ETFDH: variants seen among roughly 807,000 people sequenced by gnomAD.
ETFDH encodes electron transfer flavoprotein-ubiquinone oxidoreductase, mitochondrial.
Under a neutral mutation model 73.2 loss-of-function variants are expected in ETFDH, and 61 were observed. The observed-to-expected ratio is 0.83, with a 90% CI of 0.68 to 1.03. The LOEUF (loss-of-function observed/expected upper bound fraction) is 1.03. Among genes scored for constraint, ETFDH ranks in the 50% least tolerant of loss-of-function variants. The pLI is 0.00. For synonymous variants in ETFDH, 243 were observed against 253.3 expected (o/e 0.96, Z 0.39); for missense variants, 685 against 745.0 (o/e 0.92, Z 0.94).
chr4:158,708,378 G>C lies in ETFDH; in HGVS notation c.1705G>C (p.Val569Leu), dbSNP rs762923670. Residue 569 changes from valine (V) to leucine (L), a missense_variant, in exon 13 of 13, where the codon GTA becomes CTA. By Grantham distance (32) the Val-to-Leu change is conservative. Transcript: ENST00000511912. ...TTACTTTTCAGGAGTTTATGAATTT[G>C]TACCTGTGGAACAAGGTGATGGATT... ...RFCPAGVYEFVPVEQGDGFRL... is the reference protein window; with the variant it reads ...RFCPAGVYEFLPVEQGDGFRL... 5.0e-6 allele frequency: 8 copies of C among 1,610,200 alleles called. No homozygotes were observed. The highest frequency in any genetic ancestry group is 6.8e-6 in the Non-Finnish European group (8 of 1,176,614).
intron 1 of ETFDH, among the ~76,000 whole-genome samples, chr4:158,676,589 A>G (rs1773716758): frequency 1.3e-5 from 2 of 152,218 alleles, no homozygotes; most frequent in Non-Finnish European, 2.9e-5. Flanking sequence ...ATAAACTCCC[A>G]AAGTTAGTTC....
intron 1 of ETFDH, among the ~76,000 whole-genome samples, chr4:158,675,837 T>C (rs979346807): frequency 8.5e-5 from 13 of 152,250 alleles, no homozygotes; most frequent in Admixed American, 7.8e-4. Context: ...ATGTTTTCAT[T>C]ATCTTAGGGA....
intron 12 of ETFDH, 61 bp from the exon 13 acceptor site, chr4:158,708,303 T>A: frequency 7.6e-7 from 1 of 1,308,868 alleles, no homozygotes; most frequent in Non-Finnish European, 1.1e-6. Context: ...TAATTTTTAC[T>A]TTTGAATTTA....
At chr4:158,706,980 T>G (rs1774641192) in intron 12 of ETFDH, 130 bp downstream of exon 12, 1 of 663,984 alleles carries the variant, frequency 1.5e-6, no homozygotes, top group African/African-American at 1.8e-5. Context: ...TCCAGCTTCC[T>G]TTAGGAAACA....
chr4:158,696,932 A>G (rs942014754), intron 7 of ETFDH, among the ~76,000 whole-genome samples: 1 of 152,146 alleles, frequency 6.6e-6, no homozygotes, highest in Admixed American at 6.5e-5. Context: ...AGGATTTCCT[A>G]ATTTCCTATA....
chr4:158,673,128 A>AC, intron 1 of ETFDH, among the ~76,000 whole-genome samples: 1 of 152,104 alleles, frequency 6.6e-6, no homozygotes, highest in East Asian at 1.9e-4. Context: ...ACATTGTGAA[A>AC]CCCCATCTCT....
chr4:158,701,854 C>T (rs6536364), intron 9 of ETFDH, among the ~76,000 whole-genome samples: 1,898 of 152,238 alleles, frequency 0.012, 39 homozygotes, highest in African/African-American at 0.041. Flanking sequence ...GTTCAGTTGC[C>T]ATATTGTGGG....
chr4:158,700,904 A>G (rs1425404986), intron 9 of ETFDH: 1 of 152,214 alleles, frequency 6.6e-6, no homozygotes, highest in East Asian at 1.9e-4. Context: ...ATGCAGTCCA[A>G]GTGGCTCCCA....
In ETFDH at chr4:158,697,562, T is replaced by C. The variant is rs754082348; in HGVS notation, c.835T>C (p.Trp279Arg). Residue 279 changes from tryptophan (W) to arginine (R), a missense_variant, in exon 8 of 13, where the codon TGG becomes CGG. By Grantham distance (101) the Trp-to-Arg change is moderately radical. Coordinates refer to ENST00000511912, the MANE Select transcript of ETFDH (RefSeq NM_004453.4). ...QTYGIGLKEL[W>R]VIDEKNWKPG... is the part of the protein sequence containing the mutation. ...TGTTTGCTTTTTTTTTTTTTAGTTA[T>C]GGGTTATTGATGAAAAGAACTGGAA... The C allele has an allele frequency of 3.1e-6, 5 of 1,611,450 alleles. No homozygotes were observed. In the African/African-American group the frequency reaches 5.4e-5, roughly 17 times the overall value.
In ETFDH at chr4:158,709,481, G is replaced by A. The variant is rs189264301; in HGVS notation, c.*954G>A. The A allele has an allele frequency of 2.5e-3, 650 of 263,088 alleles. 2 individuals carry two copies. The highest frequency in any genetic ancestry group is 3.3e-3 in the Non-Finnish European group (464 of 139,614). The allele number at this position is 263,088 out of a possible 1,614,324, so 16.3% of individuals were successfully genotyped here. On this transcript the variant is annotated 3_prime_UTR_variant, in exon 13 of 13. Transcript: ENST00000511912. The stretch of plus-strand genomic sequence containing the variant: ...CGGGAGGCAGAGGATGCAGTGAGCC[G>A]AGATTGCGCCACCGCACTCCAGCCT...
chr4:158,688,019 G>A (rs1327702505), intron 5 of ETFDH, among the ~76,000 whole-genome samples: 1 of 150,622 alleles, frequency 6.6e-6, no homozygotes, highest in African/African-American at 2.5e-5. Flanking sequence ...CAGCCTGGGT[G>A]ACAGAGCGAG....
chr4:158,703,986 C>A (rs1774537626), intron 10 of ETFDH, among the ~76,000 whole-genome samples: 1 of 152,144 alleles, frequency 6.6e-6, no homozygotes, highest in South Asian at 2.1e-4. Context: ...GTAATCCCAG[C>A]TACTTGGGAG....
At chr4:158,687,504 C>T (rs945224694) in intron 5 of ETFDH, among the ~76,000 whole-genome samples, 3 of 152,160 alleles carry the variant, frequency 2.0e-5, no homozygotes, top group Admixed American at 6.5e-5. Flanking sequence ...TCAGCCATGA[C>T]GGTACATAAT....
intron 10 of ETFDH, among the ~76,000 whole-genome samples, chr4:158,703,925 C>T (rs377206317): frequency 1.9e-4 from 29 of 152,228 alleles, no homozygotes; most frequent in Middle Eastern, 3.4e-3. Context: ...GGTGAAACCC[C>T]GTCTCTACTA....
At chr4:158,702,155 GTTT>G (rs10586342) in intron 9 of ETFDH, among the ~76,000 whole-genome samples, 1,881 of 145,594 alleles carry the variant, frequency 0.013, 39 homozygotes, top group African/African-American at 0.043. Flanking sequence ...CAAATCACAG[GTTT>G]TTTTTTTTTA....
intron 6 of ETFDH, among the ~76,000 whole-genome samples, chr4:158,692,495 G>T (rs1250788356): frequency 1.3e-5 from 2 of 151,752 alleles, no homozygotes; most frequent in Non-Finnish European, 2.9e-5. Flanking sequence ...GACATCTTGG[G>T]GCTCAGCCTG....
chr4:158,708,805 T>A lies in ETFDH; in HGVS notation c.*278T>A. ...TTCACTACTGGACTTTACATTTGACTTGCCAAAGTTAAGTAATCAAATATA... is the reference window on the plus strand; with the variant it reads ...TTCACTACTGGACTTTACATTTGACATGCCAAAGTTAAGTAATCAAATATA... On this transcript the variant is annotated 3_prime_UTR_variant, in exon 13 of 13. Transcript: ENST00000511912. The A allele has an allele frequency of 2.8e-6, 1 of 359,782 alleles. No individual in the cohort carries two copies. The allele number at this position is 359,782 out of a possible 1,614,324, so 22.3% of individuals were successfully genotyped here. A position where few individuals can be genotyped will look rare whatever the true frequency, so the allele number is the denominator to read the frequency against.
chr4:158,706,106 G>A (rs1774602601), intron 10 of ETFDH, 83 bp from the exon 11 acceptor site: 1 of 949,274 alleles, frequency 1.1e-6, no homozygotes, highest in African/African-American at 1.6e-5. Flanking sequence ...TCACTCATCA[G>A]CTATCAAAGT....
Position 158,680,416 on chromosome 4 carries a change from T to G in ETFDH, c.35-51T>G, listed in dbSNP as rs752167194. On this transcript the variant is annotated intron_variant, in intron 1 of 12. Transcript: ENST00000511912. ...ATTCACTTATATTTTTTCAGTCTAC[T>G]GAGGAAAACTAATTTTAAGGAAGAT... 46 of 1,383,702 alleles carry G rather than the reference T, an allele frequency of 3.3e-5. No homozygotes were observed. In the Middle Eastern group the frequency reaches 9.5e-4, roughly 29 times the overall value. 85.7% of individuals were successfully genotyped at this position (1,383,702 alleles called of 1,614,324 possible).
Sources: gnomAD v4.1 joint callset for allele counts (sites outside exome capture counted in the v4.1 genomes callset) on GRCh38, gnomAD v4.1.1 for gene constraint, MANE v1.5 for transcripts, NCBI Gene and HGNC (gene_info 2026-07-23, HGNC 2026-07-21) for gene names.